SERPINE2: variants seen among roughly 807,000 people sequenced by gnomAD.
SERPINE2 encodes serpin family E member 2, also known as glia-derived nexin.
Under a neutral mutation model 36.3 loss-of-function variants are expected in SERPINE2, and 14 were observed. The observed-to-expected ratio is 0.39, with a 90% CI of 0.25 to 0.60. The LOEUF (loss-of-function observed/expected upper bound fraction) is 0.60. SERPINE2 is among the 20% of genes least tolerant of loss of function. The pLI, the probability that SERPINE2 is intolerant of heterozygous loss-of-function variation, is 0.57. For synonymous variants in SERPINE2, 192 were observed against 191.8 expected (o/e 1.00, Z -0.01); for missense variants, 418 against 499.6 (o/e 0.84, Z 1.56).
chr2:224,008,539 T>C (rs1330958083), intron 1 of SERPINE2, among the ~76,000 whole-genome samples: 1 of 152,240 alleles, frequency 6.6e-6, no homozygotes, highest in Non-Finnish European at 1.5e-5. Context: ...AAATTTATTC[T>C]TATTGGTGCT....
chr2:224,031,275 C>T (rs1010374827), intron 1 of SERPINE2: 29 of 985,214 alleles, frequency 2.9e-5, no homozygotes, highest in East Asian at 1.1e-4. Flanking sequence ...CCACATACTG[C>T]GTGACCGTGG....
Position 223,984,813 on chromosome 2 carries a change from T to TGGTGCTGATGTGTGG in SERPINE2, c.808_822dup (p.Pro270_Thr274dup). The TGGTGCTGATGTGTGG allele has an allele frequency of 6.2e-7, 1 of 1,613,944 alleles. No homozygotes were observed. The highest frequency in any genetic ancestry group is 2.2e-5 in the East Asian group (1 of 44,888). On this transcript the variant is annotated inframe_insertion, in exon 5 of 9. Coordinates refer to ENST00000409304, the MANE Select transcript of SERPINE2 (RefSeq NM_001136528.2). ...ATGCTCATCCAGCTGTCTATGGTCT[T>TGGTGCTGATGTGTGG]GGTGCTGATGTGTGGGATGATGGCA... is the stretch of plus-strand genomic sequence containing the variant.
At chr2:224,027,901 C>T (rs556245180) in intron 1 of SERPINE2, among the ~76,000 whole-genome samples, 1 of 152,220 alleles carries the variant, frequency 6.6e-6, no homozygotes, top group South Asian at 2.1e-4. Context: ...CTTCAACTTC[C>T]TTCTTGTCCT....
intron 7 of SERPINE2, chr2:223,980,053 C>T: frequency 2.9e-6 from 1 of 350,802 alleles, no homozygotes; most frequent in Non-Finnish European, 5.2e-6. Context: ...TACTACCTGG[C>T]TCTTTATAGA....
intron 1 of SERPINE2, among the ~76,000 whole-genome samples, chr2:224,018,671 G>C (rs1010379003): frequency 6.6e-6 from 1 of 152,004 alleles, no homozygotes; most frequent in Non-Finnish European, 1.5e-5. Flanking sequence ...ACCAGGATGA[G>C]AAGAAAAAGT....
chr2:224,035,116 T>C (rs1461480133), intron 1 of SERPINE2, among the ~76,000 whole-genome samples: 2 of 151,794 alleles, frequency 1.3e-5, no homozygotes, highest in African/African-American at 4.8e-5. Context: ...AGCAATAACA[T>C]GGAAGAGAGT....
chr2:224,025,536 T>A (rs1387196386), intron 1 of SERPINE2, among the ~76,000 whole-genome samples: 1 of 152,262 alleles, frequency 6.6e-6, no homozygotes. Flanking sequence ...ATAAACTTTA[T>A]GACTCACATG....
chr2:224,031,087 T>C (rs1232679117), intron 1 of SERPINE2: 1 of 985,362 alleles, frequency 1.0e-6, no homozygotes, highest in Non-Finnish European at 1.2e-6. Context: ...TTGACACAAA[T>C]TTCTTCTCAA....
At chr2:223,993,553 T>C (rs1690759684) in intron 3 of SERPINE2, among the ~76,000 whole-genome samples, 1 of 151,050 alleles carries the variant, frequency 6.6e-6, no homozygotes, top group South Asian at 2.1e-4. Flanking sequence ...TGTGTGTGTG[T>C]GTGTGTATGT....
At chr2:224,030,764 G>A (rs1692336409) in intron 1 of SERPINE2, 1 of 158,522 alleles carries the variant, frequency 6.3e-6, no homozygotes, top group Non-Finnish European at 1.4e-5. Context: ...AGTTCAATTA[G>A]GCATGTTTGA....
chr2:224,021,722 A>C (rs1187920951), intron 1 of SERPINE2, among the ~76,000 whole-genome samples: 1 of 152,230 alleles, frequency 6.6e-6, no homozygotes, highest in Admixed American at 6.5e-5. Flanking sequence ...CAAAGAATTA[A>C]AAGTATCTGA....
rs115281666 is a variant in SERPINE2, at chr2:223,990,687, G to A, written c.685+1116C>T. 7.1e-3 allele frequency among the ~76,000 whole-genome samples: 1,085 copies of A among 152,242 alleles called. 14 individuals are homozygous for A. The highest frequency in any genetic ancestry group is 0.024 in the African/African-American group (1,012 of 41,528). On this transcript the variant is annotated intron_variant, in intron 4 of 8. Transcript: ENST00000409304. ...TATCCCAGGCAAAGTGATTTTAGAA[G>A]TTCATTTGAGCCTGGTGCGGTGGCT...
At chr2:223,985,583 G>GCT (rs1188381537) in intron 4 of SERPINE2, among the ~76,000 whole-genome samples, 1 of 152,154 alleles carries the variant, frequency 6.6e-6, no homozygotes, top group Non-Finnish European at 1.5e-5. Context: ...CATCCACAGG[G>GCT]CTCACTCTGT....
At chr2:223,983,253 T>C (rs535958996) in intron 5 of SERPINE2, among the ~76,000 whole-genome samples, 7 of 152,326 alleles carry the variant, frequency 4.6e-5, no homozygotes, top group African/African-American at 1.4e-4. Context: ...TGATAGTTCA[T>C]TTTGGGATTC....
At chr2:224,005,081 A>ATTATATATTTT (rs1559209211) in intron 1 of SERPINE2, among the ~76,000 whole-genome samples, 1 of 46,284 alleles carries the variant, frequency 2.2e-5, no homozygotes, top group East Asian at 6.2e-4. Flanking sequence ...ATATATATAT[A>ATTATATATTTT]TATATATATA....
chr2:223,985,461 G>A (rs969744973), intron 4 of SERPINE2, among the ~76,000 whole-genome samples: 2 of 151,986 alleles, frequency 1.3e-5, no homozygotes, highest in Non-Finnish European at 1.5e-5. Context: ...GGACAAGAGC[G>A]GCTAAAATTT....
In SERPINE2 at chr2:224,000,055, C is replaced by G. The variant is rs574814891; in HGVS notation, c.259+1587G>C. 3.9e-5 allele frequency among the ~76,000 whole-genome samples: 6 copies of G among 152,330 alleles called. No individual in the cohort carries two copies. In the South Asian group the frequency reaches 1.2e-3, roughly 32 times the overall value. On this transcript the variant is annotated intron_variant, in intron 2 of 8. Coordinates refer to ENST00000409304, the MANE Select transcript of SERPINE2 (RefSeq NM_001136528.2). The stretch of plus-strand genomic sequence containing the variant: ...GGTGCTGGCAGCCCTGGAGGCCACG[C>G]TGAGCAGAGTCGGAGGCGGGTGCAG...
intron 3 of SERPINE2, among the ~76,000 whole-genome samples, chr2:223,996,689 C>T (rs917229441): frequency 6.6e-6 from 1 of 152,216 alleles, no homozygotes; most frequent in African/African-American, 2.4e-5. Flanking sequence ...ACACCAGTAA[C>T]CACACTTTTA....
At chr2:223,976,220 G>A (rs368116485) in intron 8 of SERPINE2, among the ~76,000 whole-genome samples, 58 of 152,096 alleles carry the variant, frequency 3.8e-4, no homozygotes, top group African/African-American at 1.2e-3. Context: ...GCGCCATCTC[G>A]GCTCACTGCA....
Sources: allele counts gnomAD v4.1 joint callset (sites outside exome capture counted in the v4.1 genomes callset), GRCh38; gene constraint gnomAD v4.1.1; transcripts MANE v1.5; gene names NCBI Gene and HGNC (gene_info 2026-07-23, HGNC 2026-07-21).